NCAM2: variants seen among roughly 807,000 people sequenced by gnomAD.
The protein encoded by NCAM2 is neural cell adhesion molecule 2.
In NCAM2, 30 loss-of-function variants were observed where a neutral mutation model predicts 98.1. That is an observed-to-expected ratio of 0.31 (90% CI 0.23 to 0.41). The LOEUF (loss-of-function observed/expected upper bound fraction) is 0.41. NCAM2 is among the 10% of genes least tolerant of loss of function. The pLI is 1.00. For missense variants in NCAM2, 867 were observed against 1,005.8 expected, an observed-to-expected ratio of 0.86 and a Z score of 1.87; for synonymous variants, 368 against 342.4, an observed-to-expected ratio of 1.07 and a Z score of -0.83.
chr21:21,212,543 A>G (rs1444167211), intron 1 of NCAM2, among the ~76,000 whole-genome samples: 1 of 152,172 alleles, frequency 6.6e-6, no homozygotes, highest in Non-Finnish European at 1.5e-5. Flanking sequence ...ATTAATACAC[A>G]CACCCATACA....
At chr21:21,304,967 T>G (rs2073835129) in intron 5 of NCAM2, among the ~76,000 whole-genome samples, 1 of 152,188 alleles carries the variant, frequency 6.6e-6, no homozygotes, top group South Asian at 2.1e-4. Flanking sequence ...CTAAATTCAT[T>G]TATTATAGTA....
At chr21:21,158,521 C>T (rs1380793936) in intron 1 of NCAM2, among the ~76,000 whole-genome samples, 1 of 151,678 alleles carries the variant, frequency 6.6e-6, no homozygotes, top group Non-Finnish European at 1.5e-5. Flanking sequence ...AGGAGAATCG[C>T]TTGAACCCAA....
chr21:21,013,691 G>A (rs2064251341), intron 1 of NCAM2, among the ~76,000 whole-genome samples: 1 of 151,998 alleles, frequency 6.6e-6, no homozygotes, highest in African/African-American at 2.4e-5. Flanking sequence ...TGAGGCAGGA[G>A]AATTGCTTGA....
At chr21:21,265,119 CATATATT>C (rs1294281254) in intron 1 of NCAM2, among the ~76,000 whole-genome samples, 86 of 42,158 alleles carry the variant, frequency 2.0e-3, no homozygotes, top group Admixed American at 4.2e-3. Flanking sequence ...TATATACATA[CATATATT>C]ATATATACAT....
chr21:21,413,125 GTCAAGGTCA>G (rs2076920894), intron 10 of NCAM2, among the ~76,000 whole-genome samples: 1 of 152,008 alleles, frequency 6.6e-6, no homozygotes, highest in South Asian at 2.1e-4. Context: ...ATCTGTAAAG[GTCAAGGTCA>G]TCAAAACTTT....
chr21:21,492,764 TTTC>T (rs1986939174), intron 15 of NCAM2, among the ~76,000 whole-genome samples: 1 of 151,942 alleles, frequency 6.6e-6, no homozygotes, highest in Non-Finnish European at 1.5e-5. Flanking sequence ...TCTCTACTGA[TTTC>T]TTATTTAATA....
chr21:21,225,210 AACACGTTG>A (rs2147152933), intron 1 of NCAM2, among the ~76,000 whole-genome samples: 1 of 152,252 alleles, frequency 6.6e-6, no homozygotes, highest in Non-Finnish European at 1.5e-5. Context: ...GAACAATGAG[AACACGTTG>A]ACACAGGGCG....
chr21:21,142,377 G>GTT (rs10686568), intron 1 of NCAM2, among the ~76,000 whole-genome samples: 89,298 of 107,102 alleles, frequency 0.83, 39,451 homozygotes, highest in Non-Finnish European at 0.91. Flanking sequence ...TTTTTTTTAT[G>GTT]TTTTTTTTTT....
Position 21,394,739 on chromosome 21 carries a change from G to A in NCAM2, c.1196-15535G>A, listed in dbSNP as rs139701905. The stretch of plus-strand genomic sequence containing the variant: ...CCTGACCTCGTGATCCTCCTGCCTC[G>A]GCCTCCCAAAGTGCTGGGCCAGCTT... On this transcript the variant is annotated intron_variant, in intron 9 of 17. Coordinates refer to ENST00000400546, the MANE Select transcript of NCAM2 (RefSeq NM_004540.5). 3.1e-3 allele frequency among the ~76,000 whole-genome samples: 464 copies of A among 151,494 alleles called. 2 individuals are homozygous for A. The highest frequency in any genetic ancestry group is 0.01 in the African/African-American group (421 of 41,272).
At chr21:21,056,517 T>TGC (rs1408471814) in intron 1 of NCAM2, among the ~76,000 whole-genome samples, 1,805 of 148,772 alleles carry the variant, frequency 0.012, 19 homozygotes, top group Non-Finnish European at 0.018. Context: ...TGTGTGTGTG[T>TGC]GTGTGTGCAT....
At chr21:21,258,582 A>G (rs933138072) in intron 1 of NCAM2, among the ~76,000 whole-genome samples, 2 of 152,146 alleles carry the variant, frequency 1.3e-5, no homozygotes, top group African/African-American at 2.4e-5. Context: ...TCAGGACCTA[A>G]GGAAACACTG....
intron 8 of NCAM2, among the ~76,000 whole-genome samples, chr21:21,339,726 C>A (rs976847173): frequency 2.6e-5 from 4 of 151,920 alleles, no homozygotes; most frequent in African/African-American, 9.6e-5. Flanking sequence ...ATCAATCAGT[C>A]CATCCCATCA....
chr21:21,262,535 G>A (rs1023889221), intron 1 of NCAM2, among the ~76,000 whole-genome samples: 2 of 151,018 alleles, frequency 1.3e-5, no homozygotes, highest in East Asian at 1.9e-4. Context: ...ACCAATGGCC[G>A]ACATCATACT....
In NCAM2 at chr21:21,218,532, T is replaced by C. The variant is rs1471584810; in HGVS notation, c.56-62046T>C. Among the ~76,000 whole-genome samples the C allele has an allele frequency of 2.0e-5, 3 of 152,180 alleles. No individual in the cohort carries two copies. In the East Asian group the frequency reaches 5.8e-4, roughly 29 times the overall value. On this transcript the variant is annotated intron_variant, in intron 1 of 17. Coordinates refer to ENST00000400546, the MANE Select transcript of NCAM2 (RefSeq NM_004540.5). ...AAGTGTTAATCGGCTGGTCTTAAAATAGAAAGATTATTATATAATAAAAAT... is the reference window on the plus strand; with the variant it reads ...AAGTGTTAATCGGCTGGTCTTAAAACAGAAAGATTATTATATAATAAAAAT...
intron 1 of NCAM2, among the ~76,000 whole-genome samples, chr21:21,225,832 G>A (rs928858): frequency 0.99 from 151,209 of 152,150 alleles, 75,144 homozygotes; most frequent in East Asian, 1. Flanking sequence ...ATTGTCATAC[G>A]TAGTAATATC....
chr21:21,048,664 G>A (rs6518056), intron 1 of NCAM2, among the ~76,000 whole-genome samples: 143,012 of 152,222 alleles, frequency 0.94, 67,801 homozygotes, highest in East Asian at 1. Flanking sequence ...TGTATTCCTT[G>A]AATGTATTTG....
intron 15 of NCAM2, among the ~76,000 whole-genome samples, chr21:21,479,519 G>A (rs1212247139): frequency 7.0e-6 from 1 of 143,864 alleles, no homozygotes; most frequent in Non-Finnish European, 1.5e-5. Context: ...GGGAGGCGGA[G>A]CTTGCAGTGA....
At chr21:21,082,100 C>T (rs1223259792) in intron 1 of NCAM2, among the ~76,000 whole-genome samples, 7 of 150,652 alleles carry the variant, frequency 4.6e-5, no homozygotes, top group Non-Finnish European at 8.9e-5. Flanking sequence ...TGGTGGCAGG[C>T]GCATGTAGTC....
At chr21:21,298,374 A>G (rs1028913796) in intron 5 of NCAM2, among the ~76,000 whole-genome samples, 6 of 3,436 alleles carry the variant, frequency 1.7e-3, no homozygotes, top group Non-Finnish European at 2.6e-3. Flanking sequence ...TATATAATAT[A>G]CAATATATAA....
Sources: allele counts gnomAD v4.1 joint callset (sites outside exome capture counted in the v4.1 genomes callset), GRCh38; gene constraint gnomAD v4.1.1; transcripts MANE v1.5; gene names NCBI Gene and HGNC (gene_info 2026-07-23, HGNC 2026-07-21).